The following PIP5K1A variants were observed in gnomAD, a reference collection of about 807,000 sequenced individuals.
PIP5K1A encodes the protein phosphatidylinositol-4-phosphate 5-kinase type 1 alpha.
PIP5K1A carries 46 observed loss-of-function variants against 72.9 expected under a neutral mutation model. The observed-to-expected ratio is 0.63, with a 90% CI of 0.50 to 0.81. The LOEUF (loss-of-function observed/expected upper bound fraction) is 0.81, where lower values mean the gene tolerates loss of function less well. PIP5K1A is among the 30% of genes least tolerant of loss of function. The probability of loss-of-function intolerance (pLI) is 0.00; values close to 1 mark genes in which losing one functional copy is unlikely to be tolerated. For missense variants in PIP5K1A, 458 were observed against 706.1 expected, an observed-to-expected ratio of 0.65 and a Z score of 3.98; for synonymous variants, 228 against 255.1, an observed-to-expected ratio of 0.89 and a Z score of 1.01.
intron 12 of PIP5K1A, among the ~76,000 whole-genome samples, chr1:151,240,684 T>C (rs989983476): frequency 6.6e-6 from 1 of 152,082 alleles, no homozygotes; most frequent in Non-Finnish European, 1.5e-5. Context: ...TCCCAGCACT[T>C]TGGGAGACCA....
intron 1 of PIP5K1A, among the ~76,000 whole-genome samples, chr1:151,206,091 G>C (rs779446336): frequency 2.6e-5 from 4 of 152,024 alleles, no homozygotes; most frequent in Non-Finnish European, 5.9e-5. Flanking sequence ...TGTTTATCCT[G>C]TTTTGTTCAT....
At chr1:151,227,423 C>T in intron 4 of PIP5K1A, 23 bp downstream of exon 4, 1 of 1,506,596 alleles carries the variant, frequency 6.6e-7, no homozygotes, top group Non-Finnish European at 9.2e-7. Context: ...GAAACCGTCT[C>T]ATCTTACTCC....
chr1:151,220,507 G>T (rs1688268336), intron 1 of PIP5K1A, among the ~76,000 whole-genome samples: 1 of 148,146 alleles, frequency 6.8e-6, no homozygotes, highest in Admixed American at 6.8e-5. Context: ...TCACTCTTTC[G>T]CCCAGGCAGG....
At chr1:151,244,933 A>G (rs746480594) in intron 14 of PIP5K1A, among the ~76,000 whole-genome samples, 30 of 146,970 alleles carry the variant, frequency 2.0e-4, no homozygotes, top group Admixed American at 8.1e-4. Flanking sequence ...CTTGCTCAAA[A>G]GCCTTTTTTT....
chr1:151,198,208 TTTGTG>T, upstream of PIP5K1A: 1 of 422,280 alleles, frequency 2.4e-6, no homozygotes. Flanking sequence ...TATTAAATGT[TTTGTG>T]ATATTCGACA....
At chr1:151,221,526 T>C (rs997606241) in intron 1 of PIP5K1A, among the ~76,000 whole-genome samples, 4 of 152,174 alleles carry the variant, frequency 2.6e-5, no homozygotes, top group Non-Finnish European at 5.9e-5. Flanking sequence ...AATAATGCCC[T>C]TTGAGAGTTT....
At chr1:151,247,100 T>G (rs1339482324) in intron 15 of PIP5K1A, 135 bp downstream of exon 15, 8 of 416,206 alleles carry the variant, frequency 1.9e-5, no homozygotes, top group Non-Finnish European at 2.6e-5. Flanking sequence ...TATTTTTTAT[T>G]ATTTTTTTAT....
At chr1:151,203,670 A>G (rs1027392736) in intron 1 of PIP5K1A, among the ~76,000 whole-genome samples, 1 of 151,820 alleles carries the variant, frequency 6.6e-6, no homozygotes, top group Non-Finnish European at 1.5e-5. Flanking sequence ...CTAAAAATAC[A>G]AAAATTAGCT....
chr1:151,213,483 AGT>A (rs1469156893), intron 1 of PIP5K1A: 1 of 151,890 alleles, frequency 6.6e-6, no homozygotes, highest in Admixed American at 6.6e-5. Context: ...TTTATAGGAG[AGT>A]GTTGATTTCT....
chr1:151,233,097 C>T (rs1276620421), intron 7 of PIP5K1A, among the ~76,000 whole-genome samples: 5 of 79,614 alleles, frequency 6.3e-5, no homozygotes, highest in Non-Finnish European at 2.9e-5. Flanking sequence ...AAGACTCCGT[C>T]TCAAAAAAAA....
Position 151,198,737 on chromosome 1 carries a change from G to A in PIP5K1A, c.-260G>A. 1.8e-6 allele frequency: 1 copy of A among 556,432 alleles called. No homozygotes were observed. The highest frequency in any genetic ancestry group is 2.9e-5 in the East Asian group (1 of 34,116). 34.5% of individuals were successfully genotyped at this position (556,432 alleles called of 1,614,324 possible). A position where few individuals can be genotyped will look rare whatever the true frequency, so the allele number is the denominator to read the frequency against. ...CTTAAGCTTACTCTTCTGTGAAAGG[G>A]GAAAGTATCCCCTGTGGAAAGCGGT... On this transcript the variant is annotated 5_prime_UTR_variant, in exon 1 of 16. Coordinates refer to ENST00000368888, the MANE Select transcript of PIP5K1A (RefSeq NM_001135638.2).
chr1:151,209,153 G>A (rs952622844), intron 1 of PIP5K1A, among the ~76,000 whole-genome samples: 1 of 152,112 alleles, frequency 6.6e-6, no homozygotes, highest in Non-Finnish European at 1.5e-5. Context: ...CCACCTGCAG[G>A]CGTATAGAGT....
intron 14 of PIP5K1A, among the ~76,000 whole-genome samples, chr1:151,245,867 C>T (rs2101741121): frequency 6.6e-6 from 1 of 152,244 alleles, no homozygotes; most frequent in South Asian, 2.1e-4. Context: ...TTTGTTATAG[C>T]AGCACCTCAA....
chr1:151,209,564 T>C (rs959174577), intron 1 of PIP5K1A, among the ~76,000 whole-genome samples: 2 of 151,640 alleles, frequency 1.3e-5, no homozygotes, highest in Non-Finnish European at 2.9e-5. Flanking sequence ...CTCAGCCTCC[T>C]GAGTAGCTGG....
At chr1:151,230,694 ACCT>A (rs1689919080) in intron 4 of PIP5K1A, among the ~76,000 whole-genome samples, 1 of 152,110 alleles carries the variant, frequency 6.6e-6, no homozygotes, top group East Asian at 1.9e-4. Context: ...GGTGCACACC[ACCT>A]CATCCAGCTA....
At chr1:151,223,384 G>A (rs926957802) in intron 1 of PIP5K1A, among the ~76,000 whole-genome samples, 3 of 148,532 alleles carry the variant, frequency 2.0e-5, no homozygotes, top group East Asian at 2.0e-4. Flanking sequence ...GGTGGCTCAC[G>A]CCTGTAATCC....
chr1:151,222,224 G>C (rs1030785948), intron 1 of PIP5K1A, among the ~76,000 whole-genome samples: 2 of 152,204 alleles, frequency 1.3e-5, no homozygotes, highest in East Asian at 3.8e-4. Flanking sequence ...AGAAGGTTTT[G>C]TGTCCTGATT....
rs909412872 is a variant in PIP5K1A at position 151,248,235 on chromosome 1, A to T, written c.*370A>T. The stretch of plus-strand genomic sequence containing the variant: ...GCAGCTTTCTTTCCCCTCGTCTTTG[A>T]CTAGGAACCGGACTCTTAATTTCCT... On this transcript the variant is annotated 3_prime_UTR_variant, in exon 16 of 16. Transcript: ENST00000368888. 1 of 321,348 alleles carries T rather than the reference A, an allele frequency of 3.1e-6. No homozygotes were observed. Among genetic ancestry groups the T allele is most frequent in the African/African-American group, 2.2e-5 (1 of 45,570 alleles). 19.9% of individuals were successfully genotyped at this position (321,348 alleles called of 1,614,324 possible).
intron 1 of PIP5K1A, among the ~76,000 whole-genome samples, chr1:151,209,714 C>T (rs1686513458): frequency 1.3e-5 from 2 of 151,768 alleles, no homozygotes; most frequent in East Asian, 1.9e-4. Context: ...GCTGGGATTA[C>T]AGGTGTGAGC....
Sources: gnomAD v4.1 joint callset for allele counts (sites outside exome capture counted in the v4.1 genomes callset) on GRCh38, gnomAD v4.1.1 for gene constraint, MANE v1.5 for transcripts, NCBI Gene and HGNC (gene_info 2026-07-23, HGNC 2026-07-21) for gene names.